The following IBTK variants were observed in gnomAD, a reference collection of about 807,000 sequenced individuals.
The protein encoded by IBTK is BTK-binding protein.
Under a neutral mutation model 154.9 loss-of-function variants are expected in IBTK, and 83 were observed. The observed-to-expected ratio is 0.54, with a 90% CI of 0.45 to 0.64. The LOEUF (loss-of-function observed/expected upper bound fraction) is 0.64, where lower values mean the gene tolerates loss of function less well. IBTK is among the 30% of genes least tolerant of loss of function. The probability of loss-of-function intolerance (pLI) is 0.00; values close to 1 mark genes in which losing one functional copy is unlikely to be tolerated. For synonymous variants in IBTK, 515 were observed against 536.1 expected (o/e 0.96, Z 0.54); for missense variants, 1,332 against 1,584.6 (o/e 0.84, Z 2.71).
intron 23 of IBTK, among the ~76,000 whole-genome samples, chr6:82,193,680 C>T (rs1041172212): frequency 6.6e-5 from 10 of 151,914 alleles, no homozygotes; most frequent in Admixed American, 2.6e-4. Flanking sequence ...ACTCATTTAA[C>T]TTTTCTTTTT....
intron 25 of IBTK, among the ~76,000 whole-genome samples, chr6:82,185,334 G>A (rs1015292921): frequency 8.6e-5 from 13 of 151,306 alleles, no homozygotes; most frequent in Non-Finnish European, 1.8e-4. Context: ...GTGGAGACAA[G>A]AGGACTGCTG....
At chr6:82,174,840 C>G (rs932755448) in intron 26 of IBTK, 3 of 383,356 alleles carry the variant, frequency 7.8e-6, no homozygotes, top group Non-Finnish European at 1.5e-5. Flanking sequence ...AGAGAGATAA[C>G]AAAAATCTGG....
intron 4 of IBTK, among the ~76,000 whole-genome samples, chr6:82,228,666 G>C (rs894901282): frequency 1.3e-5 from 2 of 150,584 alleles, no homozygotes; most frequent in Non-Finnish European, 2.9e-5. Context: ...CTGTCACCCA[G>C]GCTGGAGTGC....
At chr6:82,188,937 G>T (rs1768654309) in intron 25 of IBTK, 1 of 371,508 alleles carries the variant, frequency 2.7e-6, no homozygotes, top group Admixed American at 3.6e-5. Context: ...GGCTGAGACA[G>T]AAGAATCGCT....
chr6:82,228,087 A>G (rs925380522), intron 4 of IBTK, among the ~76,000 whole-genome samples: 10 of 151,990 alleles, frequency 6.6e-5, no homozygotes, highest in African/African-American at 1.7e-4. Context: ...ACATTTTGCT[A>G]TTTTCCAAGC....
intron 25 of IBTK, among the ~76,000 whole-genome samples, chr6:82,182,893 G>A (rs531007031): frequency 6.6e-6 from 1 of 152,272 alleles, no homozygotes; most frequent in East Asian, 1.9e-4. Context: ...AATCTTGAAA[G>A]TAGGTCCTCT....
intron 26 of IBTK, among the ~76,000 whole-genome samples, chr6:82,178,838 A>G (rs1435955989): frequency 6.6e-6 from 1 of 152,220 alleles, no homozygotes; most frequent in East Asian, 1.9e-4. Flanking sequence ...TCAAAGAGTA[A>G]GGAGGTGGAA....
chr6:82,211,390 T>A lies in IBTK; in HGVS notation c.2389A>T (p.Met797Leu). The stretch of plus-strand genomic sequence containing the variant: ...ACCTCAATCCATGAGCTACTCAGCA[T>A]ACTATGAAAATATTCTAAAAGAAAA... ...LCARLEYFHS[M>L]LSSSWIEASS... The change falls in exon 15 of 29, where the codon ATG (methionine) becomes TTG (leucine). Residue 797 changes from methionine (M) to leucine (L), a missense_variant. Around this residue, in one of 3 missense-constraint regions of IBTK, gnomAD observed 1,134 missense variants for 1,274.7 expected, o/e 0.89. Transcript: ENST00000306270. 1 of 1,609,112 alleles carries A rather than the reference T, an allele frequency of 6.2e-7. No homozygotes were observed. The highest frequency in any genetic ancestry group is 8.5e-7 in the Non-Finnish European group (1 of 1,178,018).
chr6:82,234,023 C>T (rs1333573833), intron 3 of IBTK, 136 bp downstream of exon 3: 1 of 423,240 alleles, frequency 2.4e-6, no homozygotes, highest in African/African-American at 2.1e-5. Context: ...GCCGCAGCGC[C>T]CAGCCCATTT....
At chr6:82,215,973 T>C (rs1562094645) in intron 11 of IBTK, 103 bp downstream of exon 11, 3 of 757,682 alleles carry the variant, frequency 4.0e-6, no homozygotes, top group African/African-American at 1.8e-5. Context: ...CTATAGGTCT[T>C]GGCAACAGCT....
rs578251958 is a variant in IBTK, at chr6:82,204,673, C to A, written c.2611+184G>T. Among the ~76,000 whole-genome samples, 87 of 152,144 alleles carry A rather than the reference C, an allele frequency of 5.7e-4. 1 individual carries two copies. In the South Asian group the frequency reaches 6.2e-3, roughly 11 times the overall value. ...CAATTCTAAGTCATATATATTTTCA[C>A]ATATTTCTAAAATAAGAATTCACTT... On this transcript the variant is annotated intron_variant, in intron 17 of 28. Coordinates refer to ENST00000306270, the MANE Select transcript of IBTK (RefSeq NM_015525.4).
chr6:82,178,944 C>T (rs975928647), intron 26 of IBTK, among the ~76,000 whole-genome samples: 3 of 152,204 alleles, frequency 2.0e-5, no homozygotes, highest in Non-Finnish European at 4.4e-5. Context: ...TGGCAGGAGC[C>T]AGACTATGTA....
intron 3 of IBTK, among the ~76,000 whole-genome samples, chr6:82,232,574 G>C (rs1323826225): frequency 1.3e-5 from 2 of 152,212 alleles, no homozygotes; most frequent in Non-Finnish European, 2.9e-5. Context: ...TAGAAATACA[G>C]AATGTGTCCT....
intron 15 of IBTK, 77 bp downstream of exon 15, chr6:82,211,285 TTTGAA>T (rs1480102214): frequency 8.2e-6 from 9 of 1,101,126 alleles, no homozygotes; most frequent in Non-Finnish European, 1.2e-5. Context: ...CAGTTCTGAT[TTTGAA>T]TTTCTTTACT....
At chr6:82,232,525 T>A (rs1770547117) in intron 3 of IBTK, among the ~76,000 whole-genome samples, 1 of 152,234 alleles carries the variant, frequency 6.6e-6, no homozygotes, top group Non-Finnish European at 1.5e-5. Flanking sequence ...AGAATGGAAT[T>A]ATCACTGTTA....
rs1308212641 is a variant in IBTK at position 82,218,095 on chromosome 6, G to T, written c.1291C>A (p.Arg431=). The change falls in exon 10 of 29, where the codon CGA becomes AGA. Residue 431 remains arginine, a synonymous_variant. Coordinates refer to ENST00000306270, the MANE Select transcript of IBTK (RefSeq NM_015525.4). The part of the protein sequence containing the change: ...RSVNSSLKQC[R]WAYPRQVFIS... ...AAGACCTGACGTGGATAGGCCCATC[G>T]ACACTGCTTCAGAGAACTGTTGACT... 1.3e-6 allele frequency: 2 copies of T among 1,596,924 alleles called. No homozygotes were observed. The highest frequency in any genetic ancestry group is 3.5e-5 in the Admixed American group (2 of 56,758).
chr6:82,229,036 C>A (rs1770403522), intron 4 of IBTK, among the ~76,000 whole-genome samples: 1 of 152,130 alleles, frequency 6.6e-6, no homozygotes, highest in Non-Finnish European at 1.5e-5. Context: ...TAATTTGGTA[C>A]TGTATAATAT....
intron 6 of IBTK, among the ~76,000 whole-genome samples, chr6:82,224,550 C>G (rs1288204568): frequency 6.6e-6 from 1 of 152,196 alleles, no homozygotes; most frequent in African/African-American, 2.4e-5. Flanking sequence ...TTTCCATGGT[C>G]TCTCAATAGT....
chr6:82,180,580 T>G (rs932539327), intron 26 of IBTK, among the ~76,000 whole-genome samples: 15 of 152,200 alleles, frequency 9.9e-5, no homozygotes, highest in African/African-American at 3.4e-4. Context: ...AATAGTATTT[T>G]AATGCTAGAA....
Sources: allele counts gnomAD v4.1 joint callset (sites outside exome capture counted in the v4.1 genomes callset), GRCh38; gene constraint gnomAD v4.1.1; regional missense constraint gnomAD v4.1.1; transcripts MANE v1.5; gene names NCBI Gene and HGNC (gene_info 2026-07-23, HGNC 2026-07-21).